The following KCNU1 variants were observed in gnomAD, a reference collection of about 807,000 sequenced individuals.
KCNU1 encodes the protein potassium calcium-activated channel subfamily U member 1.
A neutral mutation model predicts 126.8 loss-of-function variants in KCNU1; 93 were observed. That is an observed-to-expected ratio of 0.73 (90% confidence interval 0.62 to 0.87). KCNU1 has a LOEUF of 0.87. Ranked by LOEUF, KCNU1 falls within the 40% of genes least tolerant of loss-of-function variation. KCNU1 has a pLI of 0.00. For missense variants in KCNU1, 1,330 were observed against 1,367.1 expected (o/e 0.97, Z 0.43); for synonymous variants, 523 against 494.2 (o/e 1.06, Z -0.77).
chr8:36,885,276 C>T (rs552333149), intron 19 of KCNU1, among the ~76,000 whole-genome samples: 6 of 152,218 alleles, frequency 3.9e-5, no homozygotes, highest in South Asian at 2.1e-4. Context: ...AACCAGTGGC[C>T]GGATACGATG....
At chr8:36,874,894 T>A (rs1283962454) in intron 19 of KCNU1, among the ~76,000 whole-genome samples, 1 of 152,020 alleles carries the variant, frequency 6.6e-6, no homozygotes, top group Non-Finnish European at 1.5e-5. Flanking sequence ...CTCCCTGCTC[T>A]CTGTTCCACC....
chr8:36,886,259 A>G (rs951462134), intron 19 of KCNU1, among the ~76,000 whole-genome samples: 1 of 152,236 alleles, frequency 6.6e-6, no homozygotes, highest in African/African-American at 2.4e-5. Flanking sequence ...CTAGATTAAC[A>G]TAAAACCTCA....
chr8:36,842,802 C>T (rs1805005418), intron 16 of KCNU1, among the ~76,000 whole-genome samples: 1 of 152,156 alleles, frequency 6.6e-6, no homozygotes. Flanking sequence ...TCCTGAGTAG[C>T]TGAGATTACA....
At chr8:36,884,458 G>A (rs906829587) in intron 19 of KCNU1, among the ~76,000 whole-genome samples, 2 of 152,132 alleles carry the variant, frequency 1.3e-5, no homozygotes, top group Non-Finnish European at 2.9e-5. Context: ...ACCAGTAGCC[G>A]GGCGCGGTGG....
At chr8:36,847,489 T>A (rs892544733) in intron 18 of KCNU1, among the ~76,000 whole-genome samples, 1 of 152,162 alleles carries the variant, frequency 6.6e-6, no homozygotes, top group Non-Finnish European at 1.5e-5. Flanking sequence ...CCAATCTCTC[T>A]GCATCTTCCC....
intron 7 of KCNU1, among the ~76,000 whole-genome samples, chr8:36,813,758 A>G (rs561266317): frequency 2.6e-5 from 4 of 152,108 alleles, no homozygotes; most frequent in Non-Finnish European, 5.9e-5. Context: ...CTAGCATTCT[A>G]TGTGCTTAAG....
rs1004868323 is a variant in KCNU1, at chr8:36,910,850, C to T, written c.2332-80C>T. The T allele has an allele frequency of 1.3e-5, 13 of 1,007,984 alleles. No individual in the cohort carries two copies. In the Admixed American group the frequency reaches 1.7e-4, roughly 13 times the overall value. The allele number at this position is 1,007,984 out of a possible 1,614,324, so 62.4% of individuals were successfully genotyped here. A position where few individuals can be genotyped will look rare whatever the true frequency, so the allele number is the denominator to read the frequency against. On this transcript the variant is annotated intron_variant, in intron 21 of 26. Transcript: ENST00000399881. ...CTCAAAGCTCAAAAATTACATCACTCACAAAGAGCCACCACCATGAGCCAT... is the reference window on the plus strand; with the variant it reads ...CTCAAAGCTCAAAAATTACATCACTTACAAAGAGCCACCACCATGAGCCAT...
chr8:36,792,712 A>G (rs1409349073), intron 2 of KCNU1, among the ~76,000 whole-genome samples: 1 of 152,222 alleles, frequency 6.6e-6, no homozygotes, highest in African/African-American at 2.4e-5. Flanking sequence ...AATGCTGTCT[A>G]TAGATTTCAA....
intron 26 of KCNU1, among the ~76,000 whole-genome samples, chr8:36,934,534 A>G (rs1432687707): frequency 6.6e-6 from 1 of 152,114 alleles, no homozygotes; most frequent in East Asian, 1.9e-4. Context: ...GGGAAAATAT[A>G]CAGCTTATAT....
intron 23 of KCNU1, among the ~76,000 whole-genome samples, 168 bp from the exon 24 acceptor site, chr8:36,922,322 A>G (rs925779227): frequency 2.1e-5 from 3 of 141,312 alleles, no homozygotes; most frequent in Admixed American, 1.4e-4. Context: ...AGATATTTGG[A>G]AAGGAAAGAA....
chr8:36,857,384 CTG>C (rs1563298610), intron 18 of KCNU1, among the ~76,000 whole-genome samples: 1 of 152,130 alleles, frequency 6.6e-6, no homozygotes. Flanking sequence ...AATACTGAGG[CTG>C]TGTCCCTCAC....
chr8:36,899,578 A>G (rs1807336505), intron 19 of KCNU1, among the ~76,000 whole-genome samples: 1 of 152,152 alleles, frequency 6.6e-6, no homozygotes, highest in African/African-American at 2.4e-5. Flanking sequence ...TTATAATTTA[A>G]TAATGACTTC....
At chr8:36,892,491 A>AC (rs978622064) in intron 19 of KCNU1, among the ~76,000 whole-genome samples, 3 of 84,608 alleles carry the variant, frequency 3.5e-5, no homozygotes, top group African/African-American at 9.4e-5. Flanking sequence ...TGGTGTTCCC[A>AC]CCCCCCACCC....
chr8:36,816,552 C>G (rs1381362321), intron 9 of KCNU1, among the ~76,000 whole-genome samples: 2 of 152,014 alleles, frequency 1.3e-5, no homozygotes, highest in African/African-American at 4.8e-5. Flanking sequence ...TAATGAGAAG[C>G]AGTGAATTTA....
chr8:36,874,609 G>A (rs1806214922), intron 19 of KCNU1, among the ~76,000 whole-genome samples: 1 of 152,098 alleles, frequency 6.6e-6, no homozygotes, highest in African/African-American at 2.4e-5. Flanking sequence ...AGTGTTTGGG[G>A]CTCTGTGGGT....
chr8:36,888,856 G>T, intron 19 of KCNU1: 2 of 462,252 alleles, frequency 4.3e-6, no homozygotes, highest in South Asian at 3.3e-5. Flanking sequence ...GCACATCTTT[G>T]CTAATTTTAA....
At chr8:36,916,379 G>A (rs911677561) in intron 22 of KCNU1, among the ~76,000 whole-genome samples, 11 of 150,772 alleles carry the variant, frequency 7.3e-5, no homozygotes, top group Non-Finnish European at 1.6e-4. Flanking sequence ...GGAAGACAGG[G>A]AGGAAATGAG....
chr8:36,877,803 A>G (rs1271417946), intron 19 of KCNU1, among the ~76,000 whole-genome samples: 1 of 152,212 alleles, frequency 6.6e-6, no homozygotes, highest in Non-Finnish European at 1.5e-5. Flanking sequence ...CATGCCCTTA[A>G]GAATGAGATC....
chr8:36,840,249 T>G (rs535038372), intron 14 of KCNU1, among the ~76,000 whole-genome samples: 58 of 152,240 alleles, frequency 3.8e-4, no homozygotes, highest in Non-Finnish European at 1.3e-4. Context: ...ATGATGTGTC[T>G]GCCTCATCCT....
Sources: gnomAD v4.1 joint callset for allele counts (sites outside exome capture counted in the v4.1 genomes callset) on GRCh38, gnomAD v4.1.1 for gene constraint, MANE v1.5 for transcripts, NCBI Gene and HGNC (gene_info 2026-07-23, HGNC 2026-07-21) for gene names.